The following ATP2C2 variants were observed in gnomAD, a reference collection of about 807,000 sequenced individuals.
The protein encoded by ATP2C2 is ATPase secretory pathway Ca2+ transporting 2.
ATP2C2 carries 171 observed loss-of-function variants against 110.8 expected under a neutral mutation model. That is an observed-to-expected ratio of 1.54 (90% CI 1.36 to 1.75). The LOEUF (loss-of-function observed/expected upper bound fraction) is 1.75. Ranked by LOEUF, ATP2C2 falls within the 40% of genes most tolerant of loss-of-function variation. The pLI is 0.00. For missense variants in ATP2C2, 1,963 were observed against 1,235.0 expected, an observed-to-expected ratio of 1.59 and a Z score of -8.84; for synonymous variants, 804 against 508.4, an observed-to-expected ratio of 1.58 and a Z score of -7.82.
chr16:84,444,955 G>C (rs1057345544), intron 15 of ATP2C2, among the ~76,000 whole-genome samples: 1 of 152,106 alleles, frequency 6.6e-6, no homozygotes, highest in Non-Finnish European at 1.5e-5. Flanking sequence ...CCTGGATTAG[G>C]GTCTTGGGGT....
At chr16:84,405,859 G>A (rs1905720782) in intron 3 of ATP2C2, among the ~76,000 whole-genome samples, 2 of 152,206 alleles carry the variant, frequency 1.3e-5, no homozygotes, top group Admixed American at 1.3e-4. Context: ...GGTGGAGGCT[G>A]CAGTGAACTG....
rs1173689642 is a variant in ATP2C2, at chr16:84,390,498, A to T, written c.100-8001A>T. Among the ~76,000 whole-genome samples the T allele has an allele frequency of 3.3e-5, 5 of 152,192 alleles. No individual in the cohort carries two copies. In the East Asian group the frequency reaches 7.7e-4, roughly 23 times the overall value. On this transcript the variant is annotated intron_variant, in intron 1 of 26. Transcript: ENST00000262429. ...CGCTCACCGTCGCCCGCGTGGGTCT[A>T]TCTGCAGCAGGCAAATAACATCTTG...
chr16:84,400,329 G>T (rs28887578), intron 2 of ATP2C2, among the ~76,000 whole-genome samples: 1,453 of 136,352 alleles, frequency 0.011, 15 homozygotes, highest in Admixed American at 0.013. Flanking sequence ...TTAGTTTTTT[G>T]TTGTTTTTTT....
chr16:84,443,230 G>A (rs1909431506), intron 15 of ATP2C2, among the ~76,000 whole-genome samples: 1 of 152,074 alleles, frequency 6.6e-6, no homozygotes, highest in African/African-American at 2.4e-5. Flanking sequence ...GGAAAGGAGG[G>A]GCCGGCAGAG....
At chr16:84,446,293 A>G (rs754911964) in intron 15 of ATP2C2, 36 bp from the exon 16 acceptor site, 1 of 1,332,748 alleles carries the variant, frequency 7.5e-7, no homozygotes. Flanking sequence ...TTGGCTTCGG[A>G]TGACTCACTA....
At chr16:84,398,682 T>A in intron 2 of ATP2C2, 73 bp downstream of exon 2, 1 of 1,189,960 alleles carries the variant, frequency 8.4e-7, no homozygotes, top group East Asian at 2.7e-5. Flanking sequence ...CACAAAGCCC[T>A]GAACAGTGCT....
intron 15 of ATP2C2, 31 bp downstream of exon 15, chr16:84,442,630 A>G (rs1400326535): frequency 1.3e-6 from 2 of 1,599,142 alleles, no homozygotes; most frequent in African/African-American, 2.7e-5. Flanking sequence ...TCTGCGGGGA[A>G]TTCTTTCGCT....
At chr16:84,403,704 T>C (rs902347331) in intron 2 of ATP2C2, among the ~76,000 whole-genome samples, 1 of 152,030 alleles carries the variant, frequency 6.6e-6, no homozygotes, top group Admixed American at 6.6e-5. Flanking sequence ...TTTTTTTTTT[T>C]CTTGAGATGG....
Position 84,398,730 on chromosome 16 carries a change from T to G in ATP2C2, c.210+121T>G, listed in dbSNP as rs976154429. 10 of 755,060 alleles carry G rather than the reference T, an allele frequency of 1.3e-5. No individual in the cohort carries two copies. The African/African-American group carries it at 1.8e-4, about 14-fold the overall frequency. 46.8% of individuals were successfully genotyped at this position (755,060 alleles called of 1,614,324 possible). On this transcript the variant is annotated intron_variant, in intron 2 of 26. Coordinates refer to ENST00000262429, the MANE Select transcript of ATP2C2 (RefSeq NM_014861.4). ...GTTATTATCAATTTTATCATCAAGG[T>G]TGGAAAATATTGTTGATGTTGAATG...
chr16:84,388,989 C>G (rs1904488948), intron 1 of ATP2C2, among the ~76,000 whole-genome samples: 1 of 152,106 alleles, frequency 6.6e-6, no homozygotes, highest in African/African-American at 2.4e-5. Context: ...CCAGGATGGT[C>G]TCAATCTCTT....
chr16:84,434,300 C>T (rs947910014), intron 11 of ATP2C2, among the ~76,000 whole-genome samples: 1 of 151,416 alleles, frequency 6.6e-6, no homozygotes, highest in Non-Finnish European at 1.5e-5. Context: ...CCTGTAGTCC[C>T]AGCTACTCGG....
intron 25 of ATP2C2, 21 bp from the exon 26 acceptor site, chr16:84,461,967 C>A: frequency 1.2e-6 from 2 of 1,611,618 alleles, no homozygotes; most frequent in Non-Finnish European, 1.7e-6. Flanking sequence ...CACAATCCCC[C>A]GTGTGACCTT....
At chr16:84,455,135 C>A in intron 21 of ATP2C2, 151 bp downstream of exon 21, 1 of 977,602 alleles carries the variant, frequency 1.0e-6, no homozygotes, top group Non-Finnish European at 1.5e-6. Context: ...TGGCAGGTGC[C>A]CCCAACCCCA....
At chr16:84,406,592 C>A (rs1032787303) in intron 3 of ATP2C2, 1 of 985,648 alleles carries the variant, frequency 1.0e-6, no homozygotes, top group Non-Finnish European at 1.2e-6. Context: ...AGGCTCAGTT[C>A]TCAGTGTTCT....
At chr16:84,377,715 G>A (rs557835112) in intron 1 of ATP2C2, among the ~76,000 whole-genome samples, 31 of 152,058 alleles carry the variant, frequency 2.0e-4, no homozygotes, top group Non-Finnish European at 3.7e-4. Context: ...GGGGTTTAGG[G>A]CTTTAGCCTG....
chr16:84,373,103 G>C (rs1302449852), intron 1 of ATP2C2, among the ~76,000 whole-genome samples: 1 of 142,718 alleles, frequency 7.0e-6, no homozygotes, highest in African/African-American at 2.6e-5. Context: ...CTGGAAGACA[G>C]AGCGAGACTC....
intron 1 of ATP2C2, among the ~76,000 whole-genome samples, chr16:84,379,109 C>A (rs1249672867): frequency 2.0e-5 from 3 of 151,604 alleles, no homozygotes; most frequent in African/African-American, 7.3e-5. Context: ...ATTTCACTCT[C>A]TTCCCCTCTC....
chr16:84,369,416 C>T (rs968003544), intron 1 of ATP2C2, among the ~76,000 whole-genome samples: 4 of 151,990 alleles, frequency 2.6e-5, no homozygotes, highest in African/African-American at 9.7e-5. Flanking sequence ...TTTTTAGCTT[C>T]GCAAACAGAA....
At chr16:84,420,572 C>T (rs755292486) in intron 7 of ATP2C2, among the ~76,000 whole-genome samples, 220 of 151,992 alleles carry the variant, frequency 1.4e-3, no homozygotes, top group Non-Finnish European at 2.6e-3. Flanking sequence ...CCGGGATCCC[C>T]TCCTGTTTTT....
Sources: allele counts gnomAD v4.1 joint callset (sites outside exome capture counted in the v4.1 genomes callset), GRCh38; gene constraint gnomAD v4.1.1; transcripts MANE v1.5; gene names NCBI Gene and HGNC (gene_info 2026-07-23, HGNC 2026-07-21).